EBF1: variants seen among roughly 807,000 people sequenced by gnomAD.
EBF1 encodes transcription factor COE1.
Under a neutral mutation model 68.4 loss-of-function variants are expected in EBF1, and 10 were observed. The ratio of observed to expected loss-of-function variants is 0.15; its 90% confidence interval spans 0.09 to 0.25. The LOEUF is 0.25. Among genes scored for constraint, EBF1 ranks in the 10% least tolerant of loss-of-function variants. The probability of loss-of-function intolerance (pLI) is 1.00; values close to 1 mark genes in which losing one functional copy is unlikely to be tolerated. For synonymous variants in EBF1, 298 were observed against 299.8 expected, an observed-to-expected ratio of 0.99 and a Z score of 0.06; for missense variants, 509 against 794.4, an observed-to-expected ratio of 0.64 and a Z score of 4.32.
At chr5:159,018,378 C>A (rs914635003) in intron 6 of EBF1, among the ~76,000 whole-genome samples, 1 of 152,206 alleles carries the variant, frequency 6.6e-6, no homozygotes, top group Admixed American at 6.5e-5. Flanking sequence ...CCTGAAACTA[C>A]ACATAGAGTG....
intron 10 of EBF1, among the ~76,000 whole-genome samples, chr5:158,768,839 T>C (rs1773303039): frequency 6.6e-6 from 1 of 152,140 alleles, no homozygotes; most frequent in South Asian, 2.1e-4. Flanking sequence ...AGCTGAAGGG[T>C]TAATTTATCA....
chr5:158,712,376 A>T (rs1375044287), intron 13 of EBF1, 43 bp from the exon 14 acceptor site: 1 of 1,602,676 alleles, frequency 6.2e-7, no homozygotes, highest in Non-Finnish European at 8.5e-7. Flanking sequence ...TGGCATTCAG[A>T]TGGTGGCAAT....
At chr5:159,098,029 C>G (rs905080327) in intron 1 of EBF1, among the ~76,000 whole-genome samples, 3 of 152,260 alleles carry the variant, frequency 2.0e-5, no homozygotes, top group Non-Finnish European at 4.4e-5. Context: ...CACCCACCCC[C>G]ATCCTAATAC....
intron 6 of EBF1, among the ~76,000 whole-genome samples, chr5:159,042,518 C>A (rs1419151877): frequency 1.3e-5 from 2 of 151,556 alleles, no homozygotes; most frequent in Non-Finnish European, 2.9e-5. Context: ...GGCTGGGAAA[C>A]AATAAACTTC....
At chr5:158,920,065 A>G (rs1808061569) in intron 6 of EBF1, among the ~76,000 whole-genome samples, 1 of 152,120 alleles carries the variant, frequency 6.6e-6, no homozygotes, top group Non-Finnish European at 1.5e-5. Context: ...GTATATGTGT[A>G]CATAACTTGC....
intron 8 of EBF1, among the ~76,000 whole-genome samples, chr5:158,807,652 A>G (rs1301050847): frequency 9.9e-5 from 15 of 152,126 alleles, no homozygotes; most frequent in Admixed American, 9.8e-4. Flanking sequence ...GCAATCATTG[A>G]ACTAATACTG....
At chr5:158,730,902 C>A in intron 11 of EBF1, 167 bp downstream of exon 11, 7 of 593,550 alleles carry the variant, frequency 1.2e-5, no homozygotes, top group Non-Finnish European at 2.1e-5. Context: ...TGTTGCCTGG[C>A]ACATAAGTGC....
chr5:158,805,806 A>C (rs1177262908), intron 8 of EBF1, among the ~76,000 whole-genome samples: 1 of 151,946 alleles, frequency 6.6e-6, no homozygotes, highest in Non-Finnish European at 1.5e-5. Flanking sequence ...TATAATTCCA[A>C]TTGGATGAAT....
At chr5:158,889,681 A>C (rs562595660) in intron 6 of EBF1, among the ~76,000 whole-genome samples, 31 of 152,184 alleles carry the variant, frequency 2.0e-4, no homozygotes, top group Non-Finnish European at 2.9e-4. Flanking sequence ...TCCATTTTAC[A>C]GATTAGACCC....
chr5:158,827,553 CAGG>C (rs1786452809), intron 7 of EBF1, among the ~76,000 whole-genome samples: 2 of 152,182 alleles, frequency 1.3e-5, no homozygotes, highest in South Asian at 4.1e-4. Flanking sequence ...GAGGATTTCT[CAGG>C]AGTTTTGTTA....
At position 158,974,616 on chromosome 5, in the gene EBF1, G is replaced by A. The variant is rs573063389; in HGVS notation, c.554+98780C>T. Among the ~76,000 whole-genome samples, 3 of 152,098 alleles carry A rather than the reference G, an allele frequency of 2.0e-5. 1 individual carries two copies. Among genetic ancestry groups the A allele is most frequent in the South Asian group, 4.2e-4 (2 of 4,818 alleles). ...CTTTAAGGCGCTGTCATGATCAATC[G>A]TAAAAATACATATTTAGAACATTTT... is the stretch of plus-strand genomic sequence containing the variant. On this transcript the variant is annotated intron_variant, in intron 6 of 15. Transcript: ENST00000313708.
intron 11 of EBF1, among the ~76,000 whole-genome samples, chr5:158,725,430 C>T (rs974157829): frequency 6.6e-6 from 1 of 152,232 alleles, no homozygotes. Flanking sequence ...CAACTTTTTG[C>T]TCCTTGGACA....
At chr5:158,994,752 A>G (rs1199906832) in intron 6 of EBF1, among the ~76,000 whole-genome samples, 1 of 152,228 alleles carries the variant, frequency 6.6e-6, no homozygotes, top group African/African-American at 2.4e-5. Flanking sequence ...TTACATTAAG[A>G]GATCCAGTAG....
At chr5:158,912,857 G>T (rs1806311214) in intron 6 of EBF1, among the ~76,000 whole-genome samples, 1 of 152,270 alleles carries the variant, frequency 6.6e-6, no homozygotes, top group Middle Eastern at 3.4e-3. Flanking sequence ...CATGAAAAAG[G>T]TTCTAGTAGT....
chr5:158,940,741 A>C, intron 6 of EBF1, among the ~76,000 whole-genome samples: 1 of 89,460 alleles, frequency 1.1e-5, no homozygotes, highest in Non-Finnish European at 2.1e-5. Context: ...TAGCCTTCTG[A>C]CTGCACCCCC....
chr5:158,785,300 C>T (rs572947544), intron 9 of EBF1, among the ~76,000 whole-genome samples: 3 of 152,260 alleles, frequency 2.0e-5, no homozygotes, highest in African/African-American at 2.4e-5. Flanking sequence ...GAGTTAGACA[C>T]GGCATTTAAA....
intron 6 of EBF1, among the ~76,000 whole-genome samples, chr5:158,927,816 T>C (rs1055218511): frequency 7.2e-5 from 11 of 152,242 alleles, no homozygotes; most frequent in African/African-American, 1.9e-4. Context: ...ACAGATTCTC[T>C]CATTTAATCT....
intron 15 of EBF1, among the ~76,000 whole-genome samples, chr5:158,702,539 AAAC>A (rs1415049478): frequency 1.3e-5 from 2 of 152,058 alleles, no homozygotes; most frequent in African/African-American, 2.4e-5. Flanking sequence ...AACAAAGACA[AAAC>A]AAAGTTCTGC....
In EBF1 at chr5:158,841,738, A is replaced by T. The variant is rs138665850; in HGVS notation, c.555-1628T>A. Among the ~76,000 whole-genome samples, 4 of 152,326 alleles carry T rather than the reference A, an allele frequency of 2.6e-5. No homozygotes were observed. In the East Asian group the frequency reaches 7.7e-4, roughly 29 times the overall value. On this transcript the variant is annotated intron_variant, in intron 6 of 15. Transcript: ENST00000313708. ...CAATTTCTGAATATGAAACTGAGAG[A>T]AGTCCCAGATGAATCCCTCTGCTCC...
Sources: allele counts gnomAD v4.1 joint callset (sites outside exome capture counted in the v4.1 genomes callset), GRCh38; gene constraint gnomAD v4.1.1; transcripts MANE v1.5; gene names NCBI Gene and HGNC (gene_info 2026-07-23, HGNC 2026-07-21).